The following CARMIL2 variants were observed in gnomAD, a reference collection of about 807,000 sequenced individuals.
CARMIL2 encodes the protein capping protein regulator and myosin 1 linker 2.
CARMIL2 carries 96 observed loss-of-function variants against 173.3 expected under a neutral mutation model. That is an observed-to-expected ratio of 0.55 (90% CI 0.47 to 0.66). CARMIL2 has a LOEUF of 0.66. CARMIL2 is among the 30% of genes least tolerant of loss of function. The pLI, the probability that CARMIL2 is intolerant of heterozygous loss-of-function variation, is 0.00. For missense variants in CARMIL2, 1,771 were observed against 1,906.7 expected (o/e 0.93, Z 1.33); for synonymous variants, 830 against 817.1 (o/e 1.02, Z -0.27).
rs761100360 is a variant in CARMIL2 at position 67,655,993 on chromosome 16, C to T, written c.3706-38C>T. The stretch of plus-strand genomic sequence containing the variant: ...GAACAAAAGGCTAGGGTGTGGGGAG[C>T]GGGCAGGGCTGGAATCTGATTGCCC... On this transcript the variant is annotated intron_variant, in intron 32 of 37. Transcript: ENST00000334583. The T allele has an allele frequency of 1.7e-5, 26 of 1,562,824 alleles. No individual in the cohort carries two copies. The East Asian group carries it at 2.1e-4, about 13-fold the overall frequency.
At position 67,646,548 on chromosome 16, in the gene CARMIL2, C is replaced by T; in HGVS notation, c.466+31C>T. 6.2e-7 allele frequency: 1 copy of T among 1,602,666 alleles called. No homozygotes were observed. Among genetic ancestry groups the T allele is most frequent in the Non-Finnish European group, 8.5e-7 (1 of 1,172,346 alleles). ...GGTGAAGGCAGAGCCACAGGCCTTC[C>T]AGCCTGCCCCACCTCTGCCTCCCCA... On this transcript the variant is annotated intron_variant, in intron 6 of 37. Transcript: ENST00000334583. This position sits in a 1 kb window ranked among gnomAD's most constrained non-coding sequence, Gnocchi z 4.6.
At position 67,652,004 on chromosome 16, in the gene CARMIL2, A is replaced by C. The variant is rs769736838; in HGVS notation, c.2672A>C (p.Gln891Pro). Residue 891 changes from glutamine to proline, a missense_variant, in exon 26 of 38, where the codon CAG becomes CCG. Transcript: ENST00000334583. The surrounding 1 kb of genome is among the most constrained non-coding windows in gnomAD (Gnocchi z 4.7). Reference protein sequence around the residue: ...ALAGLSAARDQLVESLAQQAT... With the variant: ...ALAGLSAARDPLVESLAQQAT... ...GCAGGCCTGAGTGCAGCCCGGGATC[A>C]GCTGGTGAGGGGGAGATGTGCACAC... 118 of 1,613,348 alleles carry C rather than the reference A, an allele frequency of 7.3e-5. No homozygotes were observed. Among genetic ancestry groups the C allele is most frequent in the Non-Finnish European group, 9.0e-5 (106 of 1,179,832 alleles).
In CARMIL2 at chr16:67,649,406, A is replaced by C. The variant is rs1335670521; in HGVS notation, c.1747-41A>C. On this transcript the variant is annotated intron_variant, in intron 19 of 37. Transcript: ENST00000334583. The surrounding 1 kb of genome is among the most constrained non-coding windows in gnomAD (Gnocchi z 6.7). ...CAGACCCTGTGACCTGCCCTCACTG[A>C]CCCCTGACTCCAGCCATCAATGGCT... 14 of 1,610,420 alleles carry C rather than the reference A, an allele frequency of 8.7e-6. No homozygotes were observed. Among genetic ancestry groups the C allele is most frequent in the Non-Finnish European group, 1.1e-5 (13 of 1,179,530 alleles).
rs528439805 is a variant in CARMIL2, at chr16:67,651,130, C to T, written c.2185-57C>T. The T allele has an allele frequency of 1.3e-6, 2 of 1,573,366 alleles. No homozygotes were observed. The highest frequency in any genetic ancestry group is 2.3e-5 in the East Asian group (1 of 43,278). Reference sequence around the variant, plus strand: ...TTAAAGAGCCTGGGAGGAAGGCAGGCAGGATCTGGGAGACTGGGAGGGGGC... The same window carrying T: ...TTAAAGAGCCTGGGAGGAAGGCAGGTAGGATCTGGGAGACTGGGAGGGGGC... On this transcript the variant is annotated intron_variant, in intron 22 of 37. Transcript: ENST00000334583. This position sits in a 1 kb window ranked among gnomAD's most constrained non-coding sequence, Gnocchi z 4.2.
In CARMIL2 at chr16:67,657,398, C is replaced by T. The variant is rs1771301903; in HGVS notation, c.4196-8C>T. The T allele has an allele frequency of 6.2e-7, 1 of 1,605,360 alleles. No homozygotes were observed. The highest frequency in any genetic ancestry group is 1.7e-5 in the Admixed American group (1 of 58,480). On this transcript the variant is annotated splice_polypyrimidine_tract_variant and splice_region_variant and intron_variant, in intron 37 of 37. Coordinates refer to ENST00000334583, the MANE Select transcript of CARMIL2 (RefSeq NM_001013838.3). The surrounding 1 kb of genome is among the most constrained non-coding windows in gnomAD (Gnocchi z 4.5). ...ACCCTTCCTCTCTCTCCCTCCCTCC[C>T]CTCACAGGATCTGGCCTTGGAACCG...
Position 67,649,300 on chromosome 16 carries a change from G to C in CARMIL2, c.1735G>C (p.Asp579His). 1 of 1,612,528 alleles carries C rather than the reference G, an allele frequency of 6.2e-7. No individual in the cohort carries two copies. The highest frequency in any genetic ancestry group is 8.5e-7 in the Non-Finnish European group (1 of 1,179,664). The change falls in exon 19 of 38, where the codon GAC (aspartate) becomes CAC (histidine). Residue 579 changes from aspartate to histidine, a missense_variant. Physicochemically the swap from Asp to His is moderately conservative, Grantham distance 81 (BLOSUM62 -1). Around this residue, in one of 3 missense-constraint regions of CARMIL2, gnomAD observed 944 missense variants for 975.6 expected, o/e 0.97. Transcript: ENST00000334583. The surrounding 1 kb of genome is among the most constrained non-coding windows in gnomAD (Gnocchi z 6.7). The part of the protein sequence containing the change: ...VLHRIVQLMQ[D>H]DDCPLQSLSV... ...GCACCGGATTGTCCAGCTCATGCAG[G>C]ACGACGATTGTGTGAGTTCACGGGA...
In CARMIL2 at chr16:67,647,082, C is replaced by G. The variant is rs775576583; in HGVS notation, c.612-34C>G. Reference sequence around the variant, plus strand: ...GGGCCTGGGACCTGGCTGGAGGGCCCTGAGCTCTGCCTCTGTTCCCACCCT... The same window carrying G: ...GGGCCTGGGACCTGGCTGGAGGGCCGTGAGCTCTGCCTCTGTTCCCACCCT... On this transcript the variant is annotated intron_variant, in intron 8 of 37. Coordinates refer to ENST00000334583, the MANE Select transcript of CARMIL2 (RefSeq NM_001013838.3). The G allele has an allele frequency of 2.5e-6, 4 of 1,612,252 alleles. No individual in the cohort carries two copies. In the African/African-American group the frequency reaches 5.3e-5, roughly 22 times the overall value.
chr16:67,648,000 A>C, intron 13 of CARMIL2, 42 bp downstream of exon 13: 3 of 1,606,922 alleles, frequency 1.9e-6, no homozygotes, highest in Non-Finnish European at 2.5e-6. Flanking sequence ...GGTTGCTCAT[A>C]AGCCCTGGGT....
chr16:67,652,114 G>C lies in CARMIL2; in HGVS notation c.2677-85G>C. 2 of 1,597,362 alleles carry C rather than the reference G, an allele frequency of 1.3e-6. No individual in the cohort carries two copies. The highest frequency in any genetic ancestry group is 1.7e-6 in the Non-Finnish European group (2 of 1,169,260). On this transcript the variant is annotated intron_variant, in intron 26 of 37. Transcript: ENST00000334583. This position sits in a 1 kb window ranked among gnomAD's most constrained non-coding sequence, Gnocchi z 4.7. ...ATGTCTTCTGGGGTCATGTAGCCCA[G>C]GGCTATTTCAGGGTCCCCTTAGTTA...
At position 67,652,979 on chromosome 16, in the gene CARMIL2, G is replaced by A. The variant is rs1364370337; in HGVS notation, c.2885-40G>A. 1.8e-6 allele frequency: 2 copies of A among 1,131,410 alleles called. No homozygotes were observed. Among genetic ancestry groups the A allele is most frequent in the Admixed American group, 3.6e-5 (1 of 28,128 alleles). The allele number at this position is 1,131,410 out of a possible 1,614,324, so 70.1% of individuals were successfully genotyped here. A position where few individuals can be genotyped will look rare whatever the true frequency, so the allele number is the denominator to read the frequency against. The stretch of plus-strand genomic sequence containing the variant: ...CTAGCGCCTCCGCCGCCACCTCCCC[G>A]GGCTCGGCGCTCGGTGCTCTTCTGG... On this transcript the variant is annotated intron_variant, in intron 28 of 37. Transcript: ENST00000334583. This position sits in a 1 kb window ranked among gnomAD's most constrained non-coding sequence, Gnocchi z 4.7.
In CARMIL2 at chr16:67,645,782, G is replaced by T; in HGVS notation, c.186+5G>T. 1 of 1,611,582 alleles carries T rather than the reference G, an allele frequency of 6.2e-7. No individual in the cohort carries two copies. Among genetic ancestry groups the T allele is most frequent in the Non-Finnish European group, 8.5e-7 (1 of 1,179,874 alleles). ...ACCACCTGCCTCCCGCTGAGGGTGAGTCCCAGGGCCTGGCCACACCCCCGC... is the reference window on the plus strand; with the variant it reads ...ACCACCTGCCTCCCGCTGAGGGTGATTCCCAGGGCCTGGCCACACCCCCGC... On this transcript the variant is annotated splice_donor_5th_base_variant and intron_variant, in intron 3 of 37. Coordinates refer to ENST00000334583, the MANE Select transcript of CARMIL2 (RefSeq NM_001013838.3).
At position 67,653,415 on chromosome 16, in the gene CARMIL2, C is replaced by G. The variant is rs979388606; in HGVS notation, c.3120+161C>G. 6.6e-6 allele frequency among the ~76,000 whole-genome samples: 1 copy of G among 152,022 alleles called. No individual in the cohort carries two copies. Among genetic ancestry groups the G allele is most frequent in the African/African-American group, 2.4e-5 (1 of 41,428 alleles). ...CATCCTGGCTTCTTCCTGACCACCC[C>G]CCACCCCAGGCCATGCCTGTGCGGG... On this transcript the variant is annotated intron_variant, in intron 29 of 37. Coordinates refer to ENST00000334583, the MANE Select transcript of CARMIL2 (RefSeq NM_001013838.3). The surrounding 1 kb of genome is among the most constrained non-coding windows in gnomAD (Gnocchi z 7.4).
In CARMIL2 at chr16:67,649,182, C is replaced by T. The variant is rs750000422; in HGVS notation, c.1688+10C>T. The stretch of plus-strand genomic sequence containing the variant: ...TCAACGTCCGGTGCAAGTGAGCCCC[C>T]ACCCTACTCCTGGGCCTCCCAGACA... On this transcript the variant is annotated intron_variant, in intron 18 of 37. Transcript: ENST00000334583. The surrounding 1 kb of genome is among the most constrained non-coding windows in gnomAD (Gnocchi z 6.7). 73 of 1,613,144 alleles carry T rather than the reference C, an allele frequency of 4.5e-5. 1 individual carries two copies. In the South Asian group the frequency reaches 6.2e-4, roughly 14 times the overall value.
At position 67,657,088 on chromosome 16, in the gene CARMIL2, C is replaced by A; in HGVS notation, c.4118-151C>A. ...TCCACTTCCCGAAGAGCAGCCTCTG[C>A]CAGGGGTGAGGACGCAGGGACGGGG... On this transcript the variant is annotated intron_variant, in intron 36 of 37. Coordinates refer to ENST00000334583, the MANE Select transcript of CARMIL2 (RefSeq NM_001013838.3). The surrounding 1 kb of genome is among the most constrained non-coding windows in gnomAD (Gnocchi z 4.5). The A allele has an allele frequency of 1.2e-6, 1 of 812,942 alleles. No homozygotes were observed. The highest frequency in any genetic ancestry group is 2.0e-6 in the Non-Finnish European group (1 of 503,450). The allele number at this position is 812,942 out of a possible 1,614,324, so 50.4% of individuals were successfully genotyped here.
chr16:67,647,754 T>C lies in CARMIL2; in HGVS notation c.946T>C (p.Leu316=), dbSNP rs202004495. The C allele has an allele frequency of 4.1e-5, 56 of 1,357,552 alleles. No individual in the cohort carries two copies. The African/African-American group carries it at 7.1e-4, about 17-fold the overall frequency. The allele number at this position is 1,357,552 out of a possible 1,614,324, so 84.1% of individuals were successfully genotyped here. A position where few individuals can be genotyped will look rare whatever the true frequency, so the allele number is the denominator to read the frequency against. Residue 316 remains leucine (L), a synonymous_variant, in exon 12 of 38, where the codon TTG becomes CTG. Transcript: ENST00000334583. ...GAGACTCAGCCTGGCCCAGACAGGG[T>C]TGACACCGCGAGGTAGGCTGGATGA... is the stretch of plus-strand genomic sequence containing the variant. ...LRRLSLAQTG[L]TPRGMRALGR...
At position 67,648,362 on chromosome 16, in the gene CARMIL2, C is replaced by T; in HGVS notation, c.1335-36C>T. 6.5e-7 allele frequency: 1 copy of T among 1,545,516 alleles called. No individual in the cohort carries two copies. Among genetic ancestry groups the T allele is most frequent in the Non-Finnish European group, 8.7e-7 (1 of 1,153,034 alleles). ...GGGGGAGGCTGCTGGAAGCCGCCTC[C>T]TTGCGGCCCCAGGCCCACCTTCCCA... is the stretch of plus-strand genomic sequence containing the variant. On this transcript the variant is annotated intron_variant, in intron 14 of 37. Coordinates refer to ENST00000334583, the MANE Select transcript of CARMIL2 (RefSeq NM_001013838.3). The surrounding 1 kb of genome is among the most constrained non-coding windows in gnomAD (Gnocchi z 6.1).
In CARMIL2 at chr16:67,652,953, C is replaced by T; in HGVS notation, c.2885-66C>T. ...GCGCCCTGGGCGGGTCCCCCGCCGC[C>T]CTAGCGCCTCCGCCGCCACCTCCCC... is the stretch of plus-strand genomic sequence containing the variant. On this transcript the variant is annotated intron_variant, in intron 28 of 37. Transcript: ENST00000334583. This position sits in a 1 kb window ranked among gnomAD's most constrained non-coding sequence, Gnocchi z 4.7. 1 of 844,876 alleles carries T rather than the reference C, an allele frequency of 1.2e-6. No homozygotes were observed. The highest frequency in any genetic ancestry group is 1.6e-6 in the Non-Finnish European group (1 of 633,500). The allele number at this position is 844,876 out of a possible 1,614,324, so 52.3% of individuals were successfully genotyped here.
rs779343156 is a variant in CARMIL2, at chr16:67,654,883, G to A, written c.3688G>A (p.Glu1230Lys). ...CGTCAGCCGAGGCAGCGGGGGTGCC[G>A]AAGGCAAGAGGAAGCAAGTGAGTTG... The part of the protein sequence containing the change: ...IGVSRGSGGA[E>K]GKRKQSKDGE... Residue 1230 changes from glutamate (E) to lysine (K), a missense_variant, in exon 32 of 38, where the codon GAA becomes AAA. This residue lies in a region of CARMIL2 where 817 missense variants were observed against 903.5 expected (regional missense o/e 0.90). Coordinates refer to ENST00000334583, the MANE Select transcript of CARMIL2 (RefSeq NM_001013838.3). 13 of 1,613,524 alleles carry A rather than the reference G, an allele frequency of 8.1e-6. No individual in the cohort carries two copies. Among genetic ancestry groups the A allele is most frequent in the East Asian group, 4.5e-5 (2 of 44,900 alleles).
chr16:67,655,661 CTAAT>C (rs2052831377), intron 32 of CARMIL2, among the ~76,000 whole-genome samples: 1 of 152,124 alleles, frequency 6.6e-6, no homozygotes, highest in Non-Finnish European at 1.5e-5. Flanking sequence ...CTTCCAGTCT[CTAAT>C]TGTGGGTTAC....
Sources: allele counts gnomAD v4.1 joint callset (sites outside exome capture counted in the v4.1 genomes callset), GRCh38; gene constraint gnomAD v4.1.1; regional missense constraint gnomAD v4.1.1; non-coding constraint Gnocchi (gnomAD v3.1); transcripts MANE v1.5; gene names NCBI Gene and HGNC (gene_info 2026-07-23, HGNC 2026-07-21).